The following PLA2G4E variants were observed in gnomAD, a reference collection of about 807,000 sequenced individuals.
PLA2G4E encodes the protein cytosolic phospholipase A2 epsilon.
Under a neutral mutation model 109.1 loss-of-function variants are expected in PLA2G4E, and 84 were observed. That is an observed-to-expected ratio of 0.77 (90% CI 0.65 to 0.92). The LOEUF (loss-of-function observed/expected upper bound fraction) is 0.92, where lower values mean the gene tolerates loss of function less well. Ranked by LOEUF, PLA2G4E falls within the 40% of genes least tolerant of loss-of-function variation. The pLI is 0.00. For missense variants in PLA2G4E, 1,057 were observed against 1,076.6 expected (o/e 0.98, Z 0.25); for synonymous variants, 469 against 436.1 (o/e 1.08, Z -0.94).
chr15:41,993,450 C>T (rs1240683025), intron 12 of PLA2G4E, among the ~76,000 whole-genome samples: 1 of 152,188 alleles, frequency 6.6e-6, no homozygotes, highest in Non-Finnish European at 1.5e-5. Flanking sequence ...ACATTTAAAC[C>T]CAGGCTCGAC....
chr15:42,013,573 A>ATT, intron 2 of PLA2G4E, 112 bp downstream of exon 2: 1 of 991,022 alleles, frequency 1.0e-6, no homozygotes, highest in Non-Finnish European at 1.5e-6. Context: ...ATGCACGTGC[A>ATT]CACGTGCGCG....
At chr15:42,027,367 G>C (rs1198413084) in intron 1 of PLA2G4E, among the ~76,000 whole-genome samples, 1 of 152,116 alleles carries the variant, frequency 6.6e-6, no homozygotes, top group African/African-American at 2.4e-5. Flanking sequence ...GCTGGAAGGG[G>C]CCCCCCAGGG....
chr15:42,015,229 C>G (rs1163420873), intron 1 of PLA2G4E, among the ~76,000 whole-genome samples: 1 of 152,202 alleles, frequency 6.6e-6, no homozygotes, highest in Non-Finnish European at 1.5e-5. Context: ...TACTTCATTA[C>G]TTTCTGCCTC....
intron 1 of PLA2G4E, among the ~76,000 whole-genome samples, chr15:42,040,023 A>G (rs1889285759): frequency 6.6e-6 from 1 of 152,242 alleles, no homozygotes; most frequent in African/African-American, 2.4e-5. Flanking sequence ...AACTAATTCT[A>G]TCAATAAATG....
At chr15:42,029,502 C>T (rs1003059854) in intron 1 of PLA2G4E, among the ~76,000 whole-genome samples, 5 of 152,206 alleles carry the variant, frequency 3.3e-5, no homozygotes, top group African/African-American at 1.2e-4. Flanking sequence ...TTTCCCTGCT[C>T]TGTACTCTCT....
chr15:42,015,840 G>T (rs1704371), intron 1 of PLA2G4E, among the ~76,000 whole-genome samples: 7 of 152,292 alleles, frequency 4.6e-5, no homozygotes, highest in South Asian at 2.1e-4. Flanking sequence ...ACTCTGAGCC[G>T]GCACACCCGG....
chr15:41,985,050 A>C (rs757276892), intron 18 of PLA2G4E, among the ~76,000 whole-genome samples: 10 of 152,326 alleles, frequency 6.6e-5, no homozygotes, highest in Non-Finnish European at 1.3e-4. Context: ...TCGCAGGAAG[A>C]GCACTGCCTT....
chr15:41,992,623 C>T (rs897011887), intron 13 of PLA2G4E, 114 bp downstream of exon 13: 13 of 1,005,002 alleles, frequency 1.3e-5, no homozygotes, highest in Admixed American at 2.7e-5. Context: ...AGGATACTCC[C>T]GCAGGTCTAA....
At chr15:42,015,651 A>G (rs2068582304) in intron 1 of PLA2G4E, among the ~76,000 whole-genome samples, 1 of 152,242 alleles carries the variant, frequency 6.6e-6, no homozygotes, top group Non-Finnish European at 1.5e-5. Flanking sequence ...GGTTAAAGGC[A>G]ACAGCGGCCA....
Position 41,997,148 on chromosome 15 carries a change from CA to C in PLA2G4E, c.1085del (p.Leu362ArgfsTer12), listed in dbSNP as rs1183192729. 1.3e-6 allele frequency: 2 copies of C among 1,569,464 alleles called. No homozygotes were observed. The highest frequency in any genetic ancestry group is 1.7e-6 in the Non-Finnish European group (2 of 1,157,556). On this transcript the variant is annotated frameshift_variant, in exon 11 of 20. Transcript: ENST00000399518. LOFTEE classifies it high-confidence loss of function. ...CCTCGTCCTCCTGCAGGTCTTCCTC[CA>C]GCTGCAGCACCTGCTTCAGGGCCTT...
chr15:41,983,518 G>A, exon 20 of PLA2G4E: 1 of 543,654 alleles, frequency 1.8e-6, no homozygotes, highest in East Asian at 3.0e-5. Context: ...CTTCTCTATA[G>A]GGAAGCACTT....
At chr15:41,984,492 G>C in exon 19 of PLA2G4E, 2 of 1,613,944 alleles carry the variant, frequency 1.2e-6, no homozygotes, top group Non-Finnish European at 1.7e-6. Flanking sequence ...AGTCACGATG[G>C]GGGCATCGGG....
chr15:42,032,088 C>A (rs1889123364), intron 1 of PLA2G4E, among the ~76,000 whole-genome samples: 1 of 152,150 alleles, frequency 6.6e-6, no homozygotes. Flanking sequence ...CCTCTTGCCA[C>A]CCAACATGCT....
At chr15:41,999,849 C>A in intron 9 of PLA2G4E, 68 bp downstream of exon 9, 1 of 1,480,710 alleles carries the variant, frequency 6.8e-7, no homozygotes. Flanking sequence ...CCAGGCTCTC[C>A]CCACCTCCCT....
At chr15:42,038,819 A>T (rs1355206104) in intron 1 of PLA2G4E, among the ~76,000 whole-genome samples, 2 of 152,154 alleles carry the variant, frequency 1.3e-5, no homozygotes, top group African/African-American at 4.8e-5. Context: ...CTGGGTTATG[A>T]GGGATATTAT....
intron 1 of PLA2G4E, among the ~76,000 whole-genome samples, chr15:42,021,460 G>T (rs1198012501): frequency 6.6e-6 from 1 of 151,796 alleles, no homozygotes; most frequent in African/African-American, 2.4e-5. Flanking sequence ...CAGTTTCATG[G>T]CTTGGTACCC....
chr15:42,013,965 C>T (rs1347014604), intron 1 of PLA2G4E, among the ~76,000 whole-genome samples: 1 of 145,048 alleles, frequency 6.9e-6, no homozygotes, highest in African/African-American at 2.5e-5. Flanking sequence ...GATCTCGGCT[C>T]ACTGCAACCT....
intron 2 of PLA2G4E, 76 bp from the exon 3 acceptor site, chr15:42,007,941 C>T (rs940645143): frequency 1.6e-5 from 23 of 1,482,200 alleles, no homozygotes; most frequent in African/African-American, 8.4e-5. Flanking sequence ...TTCAGGCAAG[C>T]CTCTTCCAGA....
chr15:41,995,958 C>G (rs2068332639), intron 11 of PLA2G4E, among the ~76,000 whole-genome samples: 1 of 152,228 alleles, frequency 6.6e-6, no homozygotes, highest in Admixed American at 6.5e-5. Flanking sequence ...AGGTACTGTA[C>G]TGGCAAGGCC....
Sources: allele counts gnomAD v4.1 joint callset (sites outside exome capture counted in the v4.1 genomes callset), GRCh38; gene constraint gnomAD v4.1.1; transcripts MANE v1.5; gene names NCBI Gene and HGNC (gene_info 2026-07-23, HGNC 2026-07-21).